Variants in PLCD4 observed in about 807,000 individuals in gnomAD.
The protein encoded by PLCD4 is phospholipase C delta 4, also known as 1-phosphatidylinositol 4,5-bisphosphate phosphodiesterase delta-4.
Under a neutral mutation model 90.2 loss-of-function variants are expected in PLCD4, and 63 were observed. The ratio of observed to expected loss-of-function variants is 0.70; its 90% confidence interval spans 0.57 to 0.86. The LOEUF (loss-of-function observed/expected upper bound fraction) is 0.86. PLCD4 is among the 40% of genes least tolerant of loss of function. PLCD4 has a pLI of 0.00. For missense variants in PLCD4, 830 were observed against 956.3 expected, an observed-to-expected ratio of 0.87 and a Z score of 1.74; for synonymous variants, 294 against 356.5, an observed-to-expected ratio of 0.82 and a Z score of 1.97.
Position 218,629,453 on chromosome 2 carries a change from G to C in PLCD4, c.975-66G>C, listed in dbSNP as rs907795068. ...AGCACTGTTCTCTCCAGAGTGGGGA[G>C]AGTCCCTAGGTAGAAGATCAGATAT... On this transcript the variant is annotated intron_variant, in intron 7 of 15. Coordinates refer to ENST00000450993, the MANE Select transcript of PLCD4 (RefSeq NM_032726.4). 17 of 1,573,534 alleles carry C rather than the reference G, an allele frequency of 1.1e-5. No individual in the cohort carries two copies. In the African/African-American group the frequency reaches 2.3e-4, roughly 21 times the overall value.
chr2:218,621,417 C>T (rs1695874923), intron 4 of PLCD4, 53 bp from the exon 5 acceptor site: 1 of 1,606,104 alleles, frequency 6.2e-7, no homozygotes, highest in African/African-American at 1.3e-5. Context: ...GGTGCACACA[C>T]AACTGCACAC....
intron 6 of PLCD4, among the ~76,000 whole-genome samples, chr2:218,623,517 G>A (rs947043057): frequency 6.6e-5 from 10 of 152,054 alleles, no homozygotes; most frequent in African/African-American, 1.9e-4. Context: ...CATTCCCTTC[G>A]GAGTGTGAGA....
intron 10 of PLCD4, 32 bp downstream of exon 10, chr2:218,632,344 T>C: frequency 6.4e-7 from 1 of 1,571,198 alleles, no homozygotes; most frequent in Non-Finnish European, 8.6e-7. Flanking sequence ...TGCTGTGGTA[T>C]TTAGTCAACT....
rs755940042 is a variant in PLCD4 at position 218,636,451 on chromosome 2, T to C, written c.2183-20T>C. ...CCAGCTCTGGCTGCCTTCCTAATGC[T>C]GTCCTCCTGCCCCTTCCAGGTTACC... On this transcript the variant is annotated intron_variant, in intron 15 of 15. Transcript: ENST00000450993. 7 of 1,614,036 alleles carry C rather than the reference T, an allele frequency of 4.3e-6. No individual in the cohort carries two copies. The highest frequency in any genetic ancestry group is 1.3e-5 in the African/African-American group (1 of 75,068).
At chr2:218,611,270 T>C (rs1695320317) in intron 1 of PLCD4, among the ~76,000 whole-genome samples, 1 of 152,032 alleles carries the variant, frequency 6.6e-6, no homozygotes, top group Admixed American at 6.6e-5. Context: ...AAGCCAAGCT[T>C]TGGGGTTAGA....
At chr2:218,619,975 T>TCAAGCAATCCTCCCACCTCAGCTTCCCGA (rs1695799248) in intron 4 of PLCD4, among the ~76,000 whole-genome samples, 1 of 152,040 alleles carries the variant, frequency 6.6e-6, no homozygotes, top group Non-Finnish European at 1.5e-5. Flanking sequence ...CAGCCTGGGC[T>TCAAGCAATCCTCCCACCTCAGCTTCCCGA]CAAGCAATCC....
Position 218,629,582 on chromosome 2 carries a change from T to A in PLCD4, c.1038T>A (p.Pro346=). The change falls in exon 8 of 16, where the codon CCT becomes CCA. Residue 346 remains proline, a synonymous_variant. Transcript: ENST00000450993. ...TATGGGATGGACCTAGCGGGGAACC[T>A]GTCGTTTACCACGGACACACCCTGA... ...VDVWDGPSGE[P]VVYHGHTLTS... is the part of the protein sequence containing the mutation. 2 of 1,613,852 alleles carry A rather than the reference T, an allele frequency of 1.2e-6. No individual in the cohort carries two copies. Among genetic ancestry groups the A allele is most frequent in the Non-Finnish European group, 1.7e-6 (2 of 1,179,854 alleles).
intron 3 of PLCD4, 74 bp from the exon 4 acceptor site, chr2:218,618,505 G>C (rs565455450): frequency 7.6e-7 from 1 of 1,310,550 alleles, no homozygotes; most frequent in East Asian, 2.4e-5. Flanking sequence ...AGGGGGTGCT[G>C]GTCCTTCACT....
Position 218,632,263 on chromosome 2 carries a change from CTG to C in PLCD4, c.1401_1402del (p.Glu468AlafsTer2). ...TTGGCGCTGGAGTCCCAGTTTGAGA[CTG>C]AGCCTGAGCCCCAGGAGCAGAACCT... On this transcript the variant is annotated frameshift_variant, in exon 10 of 16. Transcript: ENST00000450993. LOFTEE classifies it high-confidence loss of function. 4 of 1,611,440 alleles carry C rather than the reference CTG, an allele frequency of 2.5e-6. No individual in the cohort carries two copies. The highest frequency in any genetic ancestry group is 2.2e-5 in the South Asian group (2 of 90,304).
At chr2:218,623,406 A>G (rs926062590) in intron 6 of PLCD4, among the ~76,000 whole-genome samples, 3 of 152,170 alleles carry the variant, frequency 2.0e-5, no homozygotes, top group Admixed American at 2.0e-4. Flanking sequence ...GGGAATAAGG[A>G]GGCCAGTTAT....
chr2:218,633,794 G>A, intron 11 of PLCD4, 33 bp downstream of exon 11: 1 of 1,611,360 alleles, frequency 6.2e-7, no homozygotes, highest in South Asian at 1.1e-5. Flanking sequence ...GGGGAGGGAA[G>A]TGGGATGGAT....
intron 5 of PLCD4, 42 bp from the exon 6 acceptor site, chr2:218,622,605 C>A: frequency 7.2e-6 from 10 of 1,397,820 alleles, no homozygotes; most frequent in South Asian, 2.9e-5. Flanking sequence ...TAACATTTCC[C>A]ATTAAAAGTT....
At position 218,636,594 on chromosome 2, in the gene PLCD4, G is replaced by A. The variant is rs1415638792; in HGVS notation, c.*17G>A. Reference sequence around the variant, plus strand: ...GAGTCCTGAGGTGGGCATTTCACGGGAAGGGTTGGTGTGCTGGCTTTAGAC... The same window carrying A: ...GAGTCCTGAGGTGGGCATTTCACGGAAAGGGTTGGTGTGCTGGCTTTAGAC... On this transcript the variant is annotated 3_prime_UTR_variant, in exon 16 of 16. Transcript: ENST00000450993. The A allele has an allele frequency of 2.5e-6, 4 of 1,611,120 alleles. No individual in the cohort carries two copies. The highest frequency in any genetic ancestry group is 1.3e-5 in the African/African-American group (1 of 74,992).
chr2:218,626,159 T>C (rs923448234), intron 6 of PLCD4, among the ~76,000 whole-genome samples: 1 of 151,430 alleles, frequency 6.6e-6, no homozygotes, highest in Non-Finnish European at 1.5e-5. Flanking sequence ...CTTGAGAGGC[T>C]GAGGTGAGAG....
At position 218,636,354 on chromosome 2, in the gene PLCD4, T is replaced by C. The variant is rs1696747272; in HGVS notation, c.2144T>C (p.Ile715Thr). Residue 715 changes from isoleucine to threonine, a missense_variant, in exon 15 of 16, where the codon ATT becomes ACT. Transcript: ENST00000450993. ...DYDWKSRNDF[I>T]GQYTLPWTCM... is the part of the protein sequence containing the mutation. ...GACTGGAAATCCCGAAATGACTTTA[T>C]TGGTCAGTACACCCTGCCTTGGACC... 1.9e-6 allele frequency: 3 copies of C among 1,614,018 alleles called. No individual in the cohort carries two copies. The highest frequency in any genetic ancestry group is 2.5e-6 in the Non-Finnish European group (3 of 1,179,894).
intron 6 of PLCD4, among the ~76,000 whole-genome samples, chr2:218,625,310 AAAAG>A (rs1461437128): frequency 6.6e-6 from 1 of 151,638 alleles, no homozygotes; most frequent in Non-Finnish European, 1.5e-5. Flanking sequence ...AAACAAAAAA[AAAAG>A]AAAGAAAAAA....
At chr2:218,629,725 T>C (rs1696277912) in intron 8 of PLCD4, 62 bp downstream of exon 8, 4 of 1,566,142 alleles carry the variant, frequency 2.6e-6, no homozygotes, top group Non-Finnish European at 3.5e-6. Flanking sequence ...AACGACTGGC[T>C]CTGGGTCTGG....
intron 3 of PLCD4, among the ~76,000 whole-genome samples, chr2:218,617,057 C>T (rs1312214634): frequency 1.0e-3 from 147 of 140,432 alleles, no homozygotes; most frequent in Non-Finnish European, 1.7e-3. Context: ...CTCCGCCTTC[C>T]GGGTTCACGC....
At chr2:218,616,726 T>TATAC (rs61259761) in intron 3 of PLCD4, among the ~76,000 whole-genome samples, 4,858 of 128,760 alleles carry the variant, frequency 0.038, 155 homozygotes, top group South Asian at 0.069. Context: ...AAAATACATA[T>TATAC]ATACATACAT....
Sources: gnomAD v4.1 joint callset for allele counts (sites outside exome capture counted in the v4.1 genomes callset) on GRCh38, gnomAD v4.1.1 for gene constraint, MANE v1.5 for transcripts, NCBI Gene and HGNC (gene_info 2026-07-23, HGNC 2026-07-21) for gene names.